The following CSRNP3 variants were observed in gnomAD, a reference collection of about 807,000 sequenced individuals.
The protein encoded by CSRNP3 is cysteine and serine rich nuclear protein 3, also known as cysteine/serine-rich nuclear protein 3.
CSRNP3 carries 12 observed loss-of-function variants against 48.0 expected under a neutral mutation model. The observed-to-expected ratio is 0.25, with a 90% CI of 0.16 to 0.41. CSRNP3 has a LOEUF of 0.41. Among genes scored for constraint, CSRNP3 ranks in the 10% least tolerant of loss-of-function variants. The probability of loss-of-function intolerance (pLI) is 1.00; values close to 1 mark genes in which losing one functional copy is unlikely to be tolerated. For synonymous variants in CSRNP3, 263 were observed against 269.7 expected (o/e 0.98, Z 0.24); for missense variants, 580 against 724.4 (o/e 0.80, Z 2.29).
At chr2:165,513,386 G>A (rs1684534697) in intron 2 of CSRNP3, among the ~76,000 whole-genome samples, 1 of 152,096 alleles carries the variant, frequency 6.6e-6, no homozygotes, top group African/African-American at 2.4e-5. Flanking sequence ...ACGTATTTGG[G>A]TTGTGATGTG....
At chr2:165,583,827 A>C (rs1685585760) in intron 3 of CSRNP3, among the ~76,000 whole-genome samples, 1 of 152,202 alleles carries the variant, frequency 6.6e-6, no homozygotes, top group Admixed American at 6.5e-5. Context: ...ACAAGCATGT[A>C]CAACTGTTAC....
chr2:165,569,972 T>C (rs1407355152), intron 3 of CSRNP3, among the ~76,000 whole-genome samples: 2 of 152,060 alleles, frequency 1.3e-5, no homozygotes, highest in Non-Finnish European at 2.9e-5. Context: ...AATAATTTAT[T>C]TAAAAATTCT....
chr2:165,587,197 T>C (rs766931879), intron 3 of CSRNP3, among the ~76,000 whole-genome samples: 7 of 152,242 alleles, frequency 4.6e-5, no homozygotes, highest in Admixed American at 6.5e-5. Flanking sequence ...ATTTCTGAGA[T>C]CATAACATGC....
At chr2:165,655,343 A>C (rs1222120707) in intron 4 of CSRNP3, among the ~76,000 whole-genome samples, 1 of 152,078 alleles carries the variant, frequency 6.6e-6, no homozygotes, top group Non-Finnish European at 1.5e-5. Context: ...TAGTTATAGG[A>C]CCTTGGCCAT....
chr2:165,606,211 A>T (rs1231608982), intron 4 of CSRNP3, among the ~76,000 whole-genome samples: 1 of 151,856 alleles, frequency 6.6e-6, no homozygotes, highest in Non-Finnish European at 1.5e-5. Flanking sequence ...GTATTTGGGT[A>T]CATTAAAATA....
intron 3 of CSRNP3, among the ~76,000 whole-genome samples, chr2:165,533,095 A>G (rs986555280): frequency 6.6e-6 from 1 of 152,130 alleles, no homozygotes; most frequent in Non-Finnish European, 1.5e-5. Context: ...AATTTTCTTC[A>G]ACAGGGGTTT....
At chr2:165,490,807 A>G (rs1684195168) in intron 1 of CSRNP3, among the ~76,000 whole-genome samples, 1 of 137,286 alleles carries the variant, frequency 7.3e-6, no homozygotes, top group African/African-American at 2.7e-5. Context: ...TTCAAGATGG[A>G]TTAAAGATTT....
intron 5 of CSRNP3, among the ~76,000 whole-genome samples, chr2:165,666,607 G>T (rs1441322162): frequency 5.0e-5 from 1 of 19,988 alleles, no homozygotes; most frequent in Non-Finnish European, 1.1e-4. Context: ...AGAGAGAGAT[G>T]AAGAAAGAGA....
intron 3 of CSRNP3, among the ~76,000 whole-genome samples, chr2:165,538,474 A>G (rs573211039): frequency 8.6e-5 from 13 of 151,860 alleles, no homozygotes; most frequent in African/African-American, 1.2e-4. Flanking sequence ...TGCGTATTCT[A>G]TCCCATTTAC....
chr2:165,612,874 G>A (rs146712692), intron 4 of CSRNP3, among the ~76,000 whole-genome samples: 2,189 of 151,998 alleles, frequency 0.014, 26 homozygotes, highest in Non-Finnish European at 0.022. Context: ...TGTGAATAGC[G>A]CTGCAGTAAA....
At chr2:165,502,658 T>TA (rs1684373048) in intron 2 of CSRNP3, among the ~76,000 whole-genome samples, 1 of 151,948 alleles carries the variant, frequency 6.6e-6, no homozygotes, top group Non-Finnish European at 1.5e-5. Flanking sequence ...CCAAACACCT[T>TA]ACCAAAACTA....
chr2:165,581,879 A>G (rs1180518758), intron 3 of CSRNP3, among the ~76,000 whole-genome samples: 2 of 152,114 alleles, frequency 1.3e-5, no homozygotes, highest in African/African-American at 2.4e-5. Flanking sequence ...CAGAGAAATA[A>G]TCTTCCTACT....
At chr2:165,676,722 C>A in intron 6 of CSRNP3, 114 bp downstream of exon 6, 1 of 777,772 alleles carries the variant, frequency 1.3e-6, no homozygotes, top group Non-Finnish European at 2.1e-6. Flanking sequence ...AATTTTTTGG[C>A]AAGGCAAGAC....
intron 3 of CSRNP3, among the ~76,000 whole-genome samples, chr2:165,561,014 A>C (rs1241742727): frequency 1.3e-5 from 2 of 152,198 alleles, no homozygotes; most frequent in East Asian, 1.9e-4. Context: ...GCCAGAAAAC[A>C]TGCCTTTAAA....
At chr2:165,535,164 A>G (rs1356872412) in intron 3 of CSRNP3, among the ~76,000 whole-genome samples, 1 of 151,862 alleles carries the variant, frequency 6.6e-6, no homozygotes, top group Admixed American at 6.6e-5. Context: ...AGATATAGGT[A>G]AAATTGCTAA....
chr2:165,671,983 T>C (rs1687339289), intron 5 of CSRNP3, among the ~76,000 whole-genome samples: 1 of 152,174 alleles, frequency 6.6e-6, no homozygotes, highest in African/African-American at 2.4e-5. Context: ...AGGTTCCTCA[T>C]CTTCATCTCA....
intron 5 of CSRNP3, among the ~76,000 whole-genome samples, chr2:165,667,438 A>G (rs960891726): frequency 3.9e-5 from 6 of 152,156 alleles, no homozygotes; most frequent in Non-Finnish European, 8.8e-5. Context: ...GTTATTCAGA[A>G]CTAGCTTTTT....
intron 4 of CSRNP3, among the ~76,000 whole-genome samples, chr2:165,610,320 G>A (rs1235618675): frequency 1.3e-5 from 2 of 152,032 alleles, no homozygotes; most frequent in Non-Finnish European, 2.9e-5. Flanking sequence ...ATAACATTTT[G>A]CATCCAACTC....
chr2:165,484,533 CCT>C (rs896461467), intron 1 of CSRNP3, among the ~76,000 whole-genome samples: 11 of 152,278 alleles, frequency 7.2e-5, no homozygotes, highest in East Asian at 1.9e-4. Flanking sequence ...TGTACTTCCC[CCT>C]GTTTGCTGAC....
Sources: allele counts gnomAD v4.1 joint callset (sites outside exome capture counted in the v4.1 genomes callset), GRCh38; gene constraint gnomAD v4.1.1; transcripts MANE v1.5; gene names NCBI Gene and HGNC (gene_info 2026-07-23, HGNC 2026-07-21).